Variants in CRISPLD2 observed in about 807,000 individuals in gnomAD.
CRISPLD2 encodes cysteine rich secretory protein LCCL domain containing 2, also known as cysteine-rich secretory protein LCCL domain-containing 2.
A neutral mutation model predicts 71.1 loss-of-function variants in CRISPLD2; 47 were observed. The ratio of observed to expected loss-of-function variants is 0.66; its 90% CI spans 0.52 to 0.84. The LOEUF (loss-of-function observed/expected upper bound fraction) is 0.84. Among genes scored for constraint, CRISPLD2 ranks in the 40% least tolerant of loss-of-function variants. CRISPLD2 has a pLI of 0.00. For synonymous variants in CRISPLD2, 317 were observed against 250.1 expected, an observed-to-expected ratio of 1.27 and a Z score of -2.52; for missense variants, 830 against 651.1, an observed-to-expected ratio of 1.27 and a Z score of -2.99.
At position 84,906,701 on chromosome 16, in the gene CRISPLD2, T is replaced by G. The variant is rs1567709826; in HGVS notation, c.*59T>G. 2 of 1,590,218 alleles carry G rather than the reference T, an allele frequency of 1.3e-6. No individual in the cohort carries two copies. Among genetic ancestry groups the G allele is most frequent in the Non-Finnish European group, 8.6e-7 (1 of 1,158,362 alleles). On this transcript the variant is annotated 3_prime_UTR_variant, in exon 15 of 15. Coordinates refer to ENST00000262424, the MANE Select transcript of CRISPLD2 (RefSeq NM_031476.4). ...GGAGGGCTTCGGGGTTTTGCTTTTATTTTTATTTTGTCATTGCGGGGTATA... is the reference window on the plus strand; with the variant it reads ...GGAGGGCTTCGGGGTTTTGCTTTTAGTTTTATTTTGTCATTGCGGGGTATA...
chr16:84,881,184 G>A (rs557161962), intron 13 of CRISPLD2, among the ~76,000 whole-genome samples: 3 of 152,180 alleles, frequency 2.0e-5, no homozygotes, highest in South Asian at 4.1e-4. Flanking sequence ...TCATTTTTCC[G>A]GCTATTTAGT....
chr16:84,877,320 A>G (rs1175723077), intron 11 of CRISPLD2, 118 bp from the exon 12 acceptor site: 3 of 864,206 alleles, frequency 3.5e-6, no homozygotes, highest in Non-Finnish European at 5.5e-6. Flanking sequence ...TCCCAGCTCT[A>G]TTCAAGGGCC....
chr16:84,867,285 G>C (rs1391916001), intron 7 of CRISPLD2, among the ~76,000 whole-genome samples: 2 of 152,226 alleles, frequency 1.3e-5, no homozygotes, highest in South Asian at 2.1e-4. Context: ...ACCCAGGCAG[G>C]TATTTTAAGG....
intron 14 of CRISPLD2, among the ~76,000 whole-genome samples, chr16:84,891,308 C>T (rs960501489): frequency 5.9e-5 from 9 of 152,236 alleles, no homozygotes; most frequent in African/African-American, 1.7e-4. Flanking sequence ...GCTTCCACTG[C>T]CAGCCTCCTG....
intron 6 of CRISPLD2, among the ~76,000 whole-genome samples, chr16:84,863,759 G>A (rs533166251): frequency 3.9e-5 from 6 of 152,176 alleles, no homozygotes; most frequent in East Asian, 3.9e-4. Flanking sequence ...CACCGAGGTC[G>A]GGAGTTTGAG....
At position 84,855,749 on chromosome 16, in the gene CRISPLD2, T is replaced by C. The variant is rs944525813; in HGVS notation, c.709+920T>C. Among the ~76,000 whole-genome samples, 12 of 152,158 alleles carry C rather than the reference T, an allele frequency of 7.9e-5. 1 individual carries two copies. The highest frequency in any genetic ancestry group is 1.9e-4 in the African/African-American group (8 of 41,434). On this transcript the variant is annotated intron_variant, in intron 6 of 14. Coordinates refer to ENST00000262424, the MANE Select transcript of CRISPLD2 (RefSeq NM_031476.4). ...ACACATCTCCTGAGATCATACATAATCTTCAAATAAAGACAATAATAAGAT... is the reference window on the plus strand; with the variant it reads ...ACACATCTCCTGAGATCATACATAACCTTCAAATAAAGACAATAATAAGAT...
At chr16:84,842,619 C>T (rs1457010387) in intron 2 of CRISPLD2, among the ~76,000 whole-genome samples, 1 of 152,008 alleles carries the variant, frequency 6.6e-6, no homozygotes, top group African/African-American at 2.4e-5. Context: ...GGTGATCCGC[C>T]CACCTCAGCC....
chr16:84,852,796 C>T (rs1375736194), intron 5 of CRISPLD2, among the ~76,000 whole-genome samples: 1 of 152,046 alleles, frequency 6.6e-6, no homozygotes, highest in Non-Finnish European at 1.5e-5. Context: ...CTGGCCAGTG[C>T]GGTGGCTCAT....
chr16:84,905,177 G>A (rs945148116), intron 14 of CRISPLD2, among the ~76,000 whole-genome samples: 1 of 152,074 alleles, frequency 6.6e-6, no homozygotes, highest in African/African-American at 2.4e-5. Flanking sequence ...TGAGGAGGGA[G>A]GATCGCTTGC....
At chr16:84,904,937 A>G (rs2071788353) in intron 14 of CRISPLD2, among the ~76,000 whole-genome samples, 1 of 152,196 alleles carries the variant, frequency 6.6e-6, no homozygotes, top group African/African-American at 2.4e-5. Context: ...ATAAATGAAA[A>G]CAAATTGATA....
At chr16:84,853,782 C>G (rs1917155589) in intron 5 of CRISPLD2, among the ~76,000 whole-genome samples, 1 of 152,236 alleles carries the variant, frequency 6.6e-6, no homozygotes, top group Non-Finnish European at 1.5e-5. Flanking sequence ...AGGGCTTCCC[C>G]ACGGTCACTC....
At chr16:84,904,821 C>T (rs1446758702) in intron 14 of CRISPLD2, among the ~76,000 whole-genome samples, 1 of 152,024 alleles carries the variant, frequency 6.6e-6, no homozygotes, top group Admixed American at 6.6e-5. Context: ...AAAATGGATC[C>T]AAGGCTGAAA....
At position 84,889,225 on chromosome 16, in the gene CRISPLD2, T is replaced by G; in HGVS notation, c.1306-5T>G. On this transcript the variant is annotated splice_polypyrimidine_tract_variant and splice_region_variant and intron_variant, in intron 13 of 14. Coordinates refer to ENST00000262424, the MANE Select transcript of CRISPLD2 (RefSeq NM_031476.4). ...CGCTGATCACAGCCCTTCCTGTGCT[T>G]CCAGACCTCAAGCATCTGCAAGACA... The G allele has an allele frequency of 6.2e-7, 1 of 1,614,036 alleles. No homozygotes were observed. Among genetic ancestry groups the G allele is most frequent in the Non-Finnish European group, 8.5e-7 (1 of 1,179,964 alleles).
At chr16:84,868,803 C>A in intron 7 of CRISPLD2, 48 bp from the exon 8 acceptor site, 2 of 1,492,602 alleles carry the variant, frequency 1.3e-6, no homozygotes, top group Non-Finnish European at 1.9e-6. Context: ...GGTCTTCTCA[C>A]CCTCCTGGTT....
rs1370833617 is a variant in CRISPLD2 at position 84,871,875 on chromosome 16, A to G, written c.915-567A>G. On this transcript the variant is annotated intron_variant, in intron 8 of 14. Coordinates refer to ENST00000262424, the MANE Select transcript of CRISPLD2 (RefSeq NM_031476.4). ...CCTTGTTTTTTTTCAAATGAGAAAA[A>G]AAAAAAAAAAAAAAAAAAAAAAAAG... Among the ~76,000 whole-genome samples, 68 of 27,906 alleles carry G rather than the reference A, an allele frequency of 2.4e-3. 1 individual carries two copies. The highest frequency in any genetic ancestry group is 0.019 in the African/African-American group (64 of 3,326). The allele number at this position is 27,906 out of a possible 152,430, so 18.3% of individuals were successfully genotyped here.
chr16:84,892,514 C>G (rs950787397), intron 14 of CRISPLD2, among the ~76,000 whole-genome samples: 2 of 152,076 alleles, frequency 1.3e-5, no homozygotes, highest in Non-Finnish European at 2.9e-5. Context: ...TGACCCAACC[C>G]TTGAGATTCT....
chr16:84,898,148 C>G (rs2071722735), intron 14 of CRISPLD2, among the ~76,000 whole-genome samples: 1 of 152,182 alleles, frequency 6.6e-6, no homozygotes, highest in Admixed American at 6.5e-5. Flanking sequence ...TTGCGCAAGC[C>G]TGTGCACTTT....
At chr16:84,871,262 A>G (rs2071466562) in intron 8 of CRISPLD2, among the ~76,000 whole-genome samples, 1 of 152,106 alleles carries the variant, frequency 6.6e-6, no homozygotes, top group Non-Finnish European at 1.5e-5. Flanking sequence ...ACCCTATTAA[A>G]AAATCCTTGC....
At chr16:84,837,137 G>A (rs1392869229) in intron 1 of CRISPLD2, among the ~76,000 whole-genome samples, 1 of 152,370 alleles carries the variant, frequency 6.6e-6, no homozygotes, top group East Asian at 1.9e-4. Flanking sequence ...TGCGAGGAAA[G>A]CAGAGAGGAG....
Sources: allele counts gnomAD v4.1 joint callset (sites outside exome capture counted in the v4.1 genomes callset), GRCh38; gene constraint gnomAD v4.1.1; transcripts MANE v1.5; gene names NCBI Gene and HGNC (gene_info 2026-07-23, HGNC 2026-07-21).